Variants in SLIT1 observed in about 807,000 individuals in gnomAD.
SLIT1 encodes slit homolog 1 protein.
Under a neutral mutation model 186.1 loss-of-function variants are expected in SLIT1, and 66 were observed. The observed-to-expected ratio is 0.35, with a 90% CI of 0.29 to 0.44. The LOEUF is 0.44. SLIT1 is among the 20% of genes least tolerant of loss of function. The pLI is 1.00. For synonymous variants in SLIT1, 761 were observed against 833.8 expected, an observed-to-expected ratio of 0.91 and a Z score of 1.50; for missense variants, 1,638 against 2,037.4, an observed-to-expected ratio of 0.80 and a Z score of 3.77.
chr10:97,138,511 T>C (rs1250953282), intron 4 of SLIT1, among the ~76,000 whole-genome samples: 1 of 152,264 alleles, frequency 6.6e-6, no homozygotes, highest in African/African-American at 2.4e-5. Context: ...CATGTCCAGC[T>C]GGCTGGGAAA....
chr10:97,060,183 G>A (rs1848879246), intron 9 of SLIT1, 25 bp from the exon 10 acceptor site: 2 of 1,591,300 alleles, frequency 1.3e-6, no homozygotes, highest in Non-Finnish European at 1.7e-6. Flanking sequence ...GAGAGGGGAA[G>A]CCCAAGGGCC....
At chr10:97,100,429 G>C (rs924024284) in intron 4 of SLIT1, among the ~76,000 whole-genome samples, 1 of 152,116 alleles carries the variant, frequency 6.6e-6, no homozygotes. Context: ...TTCAAGTCCA[G>C]CCTGGCCAAC....
intron 32 of SLIT1, among the ~76,000 whole-genome samples, 191 bp from the exon 33 acceptor site, chr10:97,005,014 A>G (rs1848348147): frequency 6.6e-6 from 1 of 152,204 alleles, no homozygotes; most frequent in Admixed American, 6.5e-5. Context: ...CTCTGGTTCA[A>G]GCCCCATCCA....
rs542584607 is a variant in SLIT1, at chr10:97,049,194, C to T, written c.1302-76G>A. 91 of 1,521,384 alleles carry T rather than the reference C, an allele frequency of 6.0e-5. 1 individual carries two copies. The South Asian group carries it at 9.4e-4, about 16-fold the overall frequency. The allele number at this position is 1,521,384 out of a possible 1,614,324, so 94.2% of individuals were successfully genotyped here. A position where few individuals can be genotyped will look rare whatever the true frequency, so the allele number is the denominator to read the frequency against. On this transcript the variant is annotated intron_variant, in intron 13 of 36. Coordinates refer to ENST00000266058, the MANE Select transcript of SLIT1 (RefSeq NM_003061.3). ...GCTGACCTCCACCGGGACAGGGCCTCGTTGTGGCTGGGGCCAAGGAGGCTG... is the reference window on the plus strand; with the variant it reads ...GCTGACCTCCACCGGGACAGGGCCTTGTTGTGGCTGGGGCCAAGGAGGCTG...
chr10:97,008,882 A>ATTTAT (rs201911875), intron 31 of SLIT1, among the ~76,000 whole-genome samples: 2 of 150,790 alleles, frequency 1.3e-5, no homozygotes, highest in Non-Finnish European at 3.0e-5. Context: ...TTATTTATTT[A>ATTTAT]TTATTATTAT....
intron 4 of SLIT1, among the ~76,000 whole-genome samples, chr10:97,139,824 C>T (rs1849740117): frequency 6.6e-6 from 1 of 152,200 alleles, no homozygotes; most frequent in Admixed American, 6.5e-5. Context: ...GCACTGGGCC[C>T]TTGGCTCCAG....
rs968788808 is a variant in SLIT1 at position 97,127,126 on chromosome 10, T to C, written c.413+30692A>G. On this transcript the variant is annotated intron_variant, in intron 4 of 36. Coordinates refer to ENST00000266058, the MANE Select transcript of SLIT1 (RefSeq NM_003061.3). ...TAACATGGTGAAACCCCGTCTCTAC[T>C]AAAAAAAAAACAAAAAAAATTAGCC... Among the ~76,000 whole-genome samples, 17 of 147,026 alleles carry C rather than the reference T, an allele frequency of 1.2e-4. No homozygotes were observed. The East Asian group carries it at 3.2e-3, about 28-fold the overall frequency.
intron 4 of SLIT1, among the ~76,000 whole-genome samples, chr10:97,084,699 G>A (rs934767221): frequency 2.0e-5 from 3 of 151,374 alleles, no homozygotes; most frequent in African/African-American, 7.3e-5. Context: ...TCCACCTCCT[G>A]AGTTCAAGCA....
chr10:97,058,317 G>A (rs41284256), intron 11 of SLIT1, among the ~76,000 whole-genome samples: 15,737 of 152,176 alleles, frequency 0.1, 1,004 homozygotes, highest in Non-Finnish European at 0.14. Context: ...AATCATCCAC[G>A]TTCCTATATG....
intron 1 of SLIT1, among the ~76,000 whole-genome samples, chr10:97,166,565 G>GAGAGAGAGAGAAAGAA (rs1850114335): frequency 3.2e-5 from 1 of 31,652 alleles, no homozygotes; most frequent in South Asian, 1.2e-3. Flanking sequence ...GAAAGAGAGA[G>GAGAGAGAGAGAAAGAA]AGAGAGAAAG....
At chr10:97,144,840 G>A (rs914601093) in intron 4 of SLIT1, among the ~76,000 whole-genome samples, 1 of 152,170 alleles carries the variant, frequency 6.6e-6, no homozygotes, top group African/African-American at 2.4e-5. Flanking sequence ...TTTGGGTGAT[G>A]ATCATAATCA....
In SLIT1 at chr10:97,040,126, G is replaced by C; in HGVS notation, c.2165-6C>G. ...GCAGCCCCCCTCCTCCTGGCCTAGGGAAGAAGGCACGAAGCCCCTGTCAGG... is the reference window on the plus strand; with the variant it reads ...GCAGCCCCCCTCCTCCTGGCCTAGGCAAGAAGGCACGAAGCCCCTGTCAGG... On this transcript the variant is annotated splice_region_variant and splice_polypyrimidine_tract_variant and intron_variant, in intron 20 of 36. Transcript: ENST00000266058. 1.3e-6 allele frequency: 2 copies of C among 1,556,860 alleles called. No individual in the cohort carries two copies. Among genetic ancestry groups the C allele is most frequent in the South Asian group, 2.5e-5 (2 of 81,340 alleles).
chr10:97,058,943 G>T (rs1461599749), intron 11 of SLIT1, among the ~76,000 whole-genome samples: 1 of 152,228 alleles, frequency 6.6e-6, no homozygotes, highest in Admixed American at 6.5e-5. Flanking sequence ...GATCCTGAAG[G>T]AAGGGAAATA....
intron 4 of SLIT1, among the ~76,000 whole-genome samples, chr10:97,093,001 G>A (rs1228048103): frequency 1.3e-5 from 2 of 152,328 alleles, no homozygotes; most frequent in Admixed American, 1.3e-4. Context: ...ACACAGCTGG[G>A]AGTCCAGTCT....
rs562999698 is a variant in SLIT1, at chr10:97,088,241, A to G, written c.414-22155T>C. On this transcript the variant is annotated intron_variant, in intron 4 of 36. Coordinates refer to ENST00000266058, the MANE Select transcript of SLIT1 (RefSeq NM_003061.3). ...TTCTACACGTATGATCTCTAACCCTATCTTCTCTGTCCCTCAAACCCCTCA... is the reference window on the plus strand; with the variant it reads ...TTCTACACGTATGATCTCTAACCCTGTCTTCTCTGTCCCTCAAACCCCTCA... Among the ~76,000 whole-genome samples, 20 of 148,438 alleles carry G rather than the reference A, an allele frequency of 1.3e-4. No individual in the cohort carries two copies. In the South Asian group the frequency reaches 4.1e-3, roughly 31 times the overall value.
At chr10:97,148,762 ATTT>A (rs1046554847) in intron 4 of SLIT1, among the ~76,000 whole-genome samples, 5 of 152,158 alleles carry the variant, frequency 3.3e-5, no homozygotes, top group African/African-American at 1.2e-4. Context: ...AAGAAATTTT[ATTT>A]TTAATATGTT....
rs1435835057 is a variant in SLIT1 at position 97,089,310 on chromosome 10, G to T, written c.414-23224C>A. ...CCCCCACGACTGGGGGTGAGGCTCT[G>T]AGCTGGGAAGCCTTGGGACTTCGCT... On this transcript the variant is annotated intron_variant, in intron 4 of 36. Transcript: ENST00000266058. Among the ~76,000 whole-genome samples, 3 of 152,238 alleles carry T rather than the reference G, an allele frequency of 2.0e-5. No homozygotes were observed. The East Asian group carries it at 5.8e-4, about 29-fold the overall frequency.
intron 4 of SLIT1, among the ~76,000 whole-genome samples, chr10:97,141,774 AC>A (rs1410812442): frequency 6.7e-6 from 1 of 148,740 alleles, no homozygotes. Context: ...ATTGTATCGT[AC>A]TGTATTGTAT....
intron 4 of SLIT1, among the ~76,000 whole-genome samples, chr10:97,066,643 C>T (rs1194484279): frequency 1.3e-5 from 2 of 152,222 alleles, no homozygotes. Flanking sequence ...TGCTCCCCTT[C>T]AGGCTTCCGC....
Sources: allele counts gnomAD v4.1 joint callset (sites outside exome capture counted in the v4.1 genomes callset), GRCh38; gene constraint gnomAD v4.1.1; transcripts MANE v1.5; gene names NCBI Gene and HGNC (gene_info 2026-07-23, HGNC 2026-07-21).